Variants in SYTL3 observed in about 807,000 individuals in gnomAD.
SYTL3 encodes synaptotagmin like 3, also known as synaptotagmin-like protein 3.
In SYTL3, 88 loss-of-function variants were observed where a neutral mutation model predicts 82.1. The observed-to-expected ratio is 1.07, with a 90% CI of 0.90 to 1.28. The LOEUF (loss-of-function observed/expected upper bound fraction) is 1.28. Ranked by LOEUF, SYTL3 falls within the 50% of genes most tolerant of loss-of-function variation. The probability of loss-of-function intolerance (pLI) is 0.00; values close to 1 mark genes in which losing one functional copy is unlikely to be tolerated. For missense variants in SYTL3, 831 were observed against 757.6 expected (o/e 1.10, Z -1.14); for synonymous variants, 311 against 289.4 (o/e 1.07, Z -0.76).
At position 158,757,504 on chromosome 6, in the gene SYTL3, C is replaced by T. The variant is rs565895799; in HGVS notation, c.1308+123C>T. 37 of 1,056,028 alleles carry T rather than the reference C, an allele frequency of 3.5e-5. No individual in the cohort carries two copies. In the East Asian group the frequency reaches 6.1e-4, roughly 18 times the overall value. 65.4% of individuals were successfully genotyped at this position (1,056,028 alleles called of 1,614,324 possible). On this transcript the variant is annotated intron_variant, in intron 14 of 17. Coordinates refer to ENST00000611299, the MANE Select transcript of SYTL3 (RefSeq NM_001242394.2). ...CTTGGACCCAAGACTGTGTGTTCGC[C>T]GGCCTGGCGCTGTGACTTTGAAATA...
chr6:158,683,344 C>T (rs934338704), intron 6 of SYTL3, among the ~76,000 whole-genome samples: 7 of 152,082 alleles, frequency 4.6e-5, no homozygotes, highest in Admixed American at 6.5e-5. Context: ...CCTCAGCCTC[C>T]GGAGTACCTG....
chr6:158,670,707 G>A lies in SYTL3; in HGVS notation c.329+5094G>A, dbSNP rs182308450. Reference sequence around the variant, plus strand: ...CTGAGGTACAAGAATCGCTGGAACCGGGGGGCGAAGGTTGCAATGAGCGGA... The same window carrying A: ...CTGAGGTACAAGAATCGCTGGAACCAGGGGGCGAAGGTTGCAATGAGCGGA... On this transcript the variant is annotated intron_variant, in intron 5 of 17. Transcript: ENST00000611299. Among the ~76,000 whole-genome samples the A allele has an allele frequency of 2.7e-3, 414 of 151,972 alleles. 3 individuals are homozygous for A. Among genetic ancestry groups the A allele is most frequent in the African/African-American group, 9.5e-3 (393 of 41,498 alleles).
intron 13 of SYTL3, among the ~76,000 whole-genome samples, chr6:158,753,979 C>G (rs148666383): frequency 6.6e-6 from 1 of 151,912 alleles, no homozygotes; most frequent in Non-Finnish European, 1.5e-5. Flanking sequence ...GCATAAGATG[C>G]GAAGGATGGG....
chr6:158,682,363 T>TTTA (rs1778796225), intron 5 of SYTL3, among the ~76,000 whole-genome samples: 2 of 141,720 alleles, frequency 1.4e-5, no homozygotes, highest in South Asian at 2.4e-4. Context: ...CACTTTTTTT[T>TTTA]TTTTTTTTTT....
At chr6:158,722,091 G>GT (rs1390464438) in intron 10 of SYTL3, among the ~76,000 whole-genome samples, 1 of 152,114 alleles carries the variant, frequency 6.6e-6, no homozygotes, top group Non-Finnish European at 1.5e-5. Flanking sequence ...GAGGATGCTG[G>GT]TGCCCACCTT....
At chr6:158,652,667 G>A (rs1200788647) in intron 2 of SYTL3, among the ~76,000 whole-genome samples, 6 of 151,948 alleles carry the variant, frequency 3.9e-5, no homozygotes, top group Non-Finnish European at 7.4e-5. Flanking sequence ...TCAGCTTCCC[G>A]AGTAGCTGGG....
At chr6:158,653,509 G>GAA (rs571333743) in intron 2 of SYTL3, among the ~76,000 whole-genome samples, 1 of 142,598 alleles carries the variant, frequency 7.0e-6, no homozygotes, top group Non-Finnish European at 1.5e-5. Context: ...CCGTCTCAGA[G>GAA]AAAAAAAAAA....
intron 12 of SYTL3, among the ~76,000 whole-genome samples, chr6:158,746,812 C>T (rs1300826994): frequency 8.6e-6 from 1 of 116,250 alleles, no homozygotes; most frequent in Admixed American, 7.7e-5. Context: ...CAAAGATGAG[C>T]AACTTGTTTT....
At chr6:158,763,689 G>A (rs79782461) in intron 17 of SYTL3, among the ~76,000 whole-genome samples, 180 bp downstream of exon 17, 2,414 of 152,272 alleles carry the variant, frequency 0.016, 54 homozygotes, top group African/African-American at 0.055. Flanking sequence ...ATACAGCCAA[G>A]TATTTTGACA....
intron 11 of SYTL3, among the ~76,000 whole-genome samples, chr6:158,729,274 A>G (rs1363580439): frequency 6.6e-6 from 1 of 152,184 alleles, no homozygotes; most frequent in Non-Finnish European, 1.5e-5. Flanking sequence ...CAGGATCTCA[A>G]GGCATGGACA....
chr6:158,716,965 T>C (rs1323733655), intron 9 of SYTL3, among the ~76,000 whole-genome samples: 3 of 152,228 alleles, frequency 2.0e-5, no homozygotes, highest in African/African-American at 7.2e-5. Context: ...TTTGGATATA[T>C]TGTGTTAAAC....
intron 10 of SYTL3, among the ~76,000 whole-genome samples, chr6:158,721,870 C>T (rs946133866): frequency 7.3e-5 from 11 of 151,582 alleles, no homozygotes; most frequent in South Asian, 6.3e-4. Context: ...TGAGCTCAAT[C>T]GGATGCCTGC....
At chr6:158,750,280 C>T (rs1409268667) in intron 12 of SYTL3, among the ~76,000 whole-genome samples, 1 of 152,096 alleles carries the variant, frequency 6.6e-6, no homozygotes, top group African/African-American at 2.4e-5. Context: ...TAAAATCCAA[C>T]GTGGTTATTA....
chr6:158,652,867 T>A (rs1261150398), intron 2 of SYTL3, among the ~76,000 whole-genome samples: 1 of 152,114 alleles, frequency 6.6e-6, no homozygotes, highest in African/African-American at 2.4e-5. Flanking sequence ...AGTAGAGATA[T>A]CTGAGGGACC....
chr6:158,654,998 G>A (rs575558470), intron 2 of SYTL3, among the ~76,000 whole-genome samples: 3 of 152,140 alleles, frequency 2.0e-5, no homozygotes, highest in Admixed American at 1.3e-4. Flanking sequence ...TCTAAGCTCC[G>A]AGCAGGTGAG....
At chr6:158,739,656 C>T (rs920644766) in intron 11 of SYTL3, among the ~76,000 whole-genome samples, 8 of 151,998 alleles carry the variant, frequency 5.3e-5, no homozygotes, top group African/African-American at 7.3e-5. Flanking sequence ...AATGCAGTGG[C>T]ACAGCCCTAG....
intron 16 of SYTL3, 86 bp from the exon 17 acceptor site, chr6:158,763,218 T>A: frequency 7.6e-7 from 1 of 1,320,258 alleles, no homozygotes; most frequent in South Asian, 1.2e-5. Context: ...CTTTTCTTAG[T>A]GCTTCCCGTC....
intron 13 of SYTL3, among the ~76,000 whole-genome samples, chr6:158,753,981 A>C (rs1203804120): frequency 6.6e-6 from 1 of 152,100 alleles, no homozygotes; most frequent in African/African-American, 2.4e-5. Flanking sequence ...ATAAGATGCG[A>C]AGGATGGGAA....
At chr6:158,743,598 CTTTTT>C (rs397887964) in intron 11 of SYTL3, among the ~76,000 whole-genome samples, 2 of 63,080 alleles carry the variant, frequency 3.2e-5, no homozygotes, top group Middle Eastern at 0.014. Context: ...CCAGTCCAAG[CTTTTT>C]TTTTTTTTTT....
Sources: allele counts gnomAD v4.1 joint callset (sites outside exome capture counted in the v4.1 genomes callset), GRCh38; gene constraint gnomAD v4.1.1; transcripts MANE v1.5; gene names NCBI Gene and HGNC (gene_info 2026-07-23, HGNC 2026-07-21).